Variants in SUPT3H observed in about 807,000 individuals in gnomAD.
SUPT3H encodes the protein SPT3 homolog, SAGA and STAGA complex component, also known as transcription initiation protein SPT3 homolog.
Under a neutral mutation model 44.3 loss-of-function variants are expected in SUPT3H, and 44 were observed. That is an observed-to-expected ratio of 0.99 (90% CI 0.78 to 1.28). SUPT3H has a LOEUF of 1.28. Among genes scored for constraint, SUPT3H ranks in the 50% most tolerant of loss-of-function variants. SUPT3H has a pLI of 0.00. For synonymous variants in SUPT3H, 124 were observed against 125.6 expected, an observed-to-expected ratio of 0.99 and a Z score of 0.09; for missense variants, 380 against 387.1, an observed-to-expected ratio of 0.98 and a Z score of 0.15.
At chr6:45,205,361 TC>T (rs1368159042) in intron 2 of SUPT3H, among the ~76,000 whole-genome samples, 1 of 152,212 alleles carries the variant, frequency 6.6e-6, no homozygotes, top group Non-Finnish European at 1.5e-5. Flanking sequence ...CTTTATTTAT[TC>T]CCACATTTTC....
chr6:44,999,081 C>T (rs750083007), intron 6 of SUPT3H, among the ~76,000 whole-genome samples: 1 of 151,626 alleles, frequency 6.6e-6, no homozygotes, highest in Non-Finnish European at 1.5e-5. Flanking sequence ...GTTTAACTTC[C>T]GTTATTACTT....
intron 2 of SUPT3H, among the ~76,000 whole-genome samples, chr6:45,157,900 A>G (rs1427639959): frequency 1.3e-5 from 2 of 151,492 alleles, no homozygotes; most frequent in Non-Finnish European, 2.9e-5. Flanking sequence ...GCCAAGGATG[A>G]GAATCGTTAT....
intron 10 of SUPT3H, among the ~76,000 whole-genome samples, chr6:44,879,410 A>T (rs1199224806): frequency 1.3e-5 from 2 of 152,200 alleles, no homozygotes; most frequent in East Asian, 1.9e-4. Context: ...CTCTGAAAGA[A>T]AGGCAGCAGC....
chr6:45,188,291 G>A (rs1248930668), intron 2 of SUPT3H, among the ~76,000 whole-genome samples: 1 of 152,236 alleles, frequency 6.6e-6, no homozygotes, highest in Admixed American at 6.5e-5. Context: ...GAAATCTTAT[G>A]CTGAGATTGC....
At chr6:45,143,424 T>C (rs1351520334) in intron 2 of SUPT3H, among the ~76,000 whole-genome samples, 2 of 152,046 alleles carry the variant, frequency 1.3e-5, no homozygotes, top group African/African-American at 4.8e-5. Flanking sequence ...TACAAATATA[T>C]AGAAATTAAA....
At chr6:44,916,083 C>T (rs781269547) in intron 10 of SUPT3H, among the ~76,000 whole-genome samples, 3 of 152,050 alleles carry the variant, frequency 2.0e-5, no homozygotes, top group African/African-American at 7.2e-5. Flanking sequence ...ATGTTTGAAA[C>T]GTTAAATTTT....
At chr6:44,877,664 A>T in intron 10 of SUPT3H, among the ~76,000 whole-genome samples, 1 of 152,272 alleles carries the variant, frequency 6.6e-6, no homozygotes, top group East Asian at 1.9e-4. Flanking sequence ...GTGTATCTAT[A>T]TATCTATACA....
chr6:45,170,178 A>G (rs557519537), intron 2 of SUPT3H, among the ~76,000 whole-genome samples: 4 of 152,232 alleles, frequency 2.6e-5, no homozygotes, highest in Non-Finnish European at 4.4e-5. Context: ...AACTATCAAT[A>G]TTTGTAATAG....
At chr6:45,109,981 A>G (rs959412362) in intron 2 of SUPT3H, among the ~76,000 whole-genome samples, 2 of 152,062 alleles carry the variant, frequency 1.3e-5, no homozygotes, top group Admixed American at 1.3e-4. Context: ...CTGCCTGACT[A>G]CCGTCCACTA....
intron 10 of SUPT3H, among the ~76,000 whole-genome samples, chr6:44,921,953 A>C (rs1768794411): frequency 6.6e-6 from 1 of 152,236 alleles, no homozygotes; most frequent in Non-Finnish European, 1.5e-5. Flanking sequence ...CTCTGTCCTC[A>C]TGACCTCTGC....
In SUPT3H at chr6:44,842,668, A is replaced by G. The variant is rs145310219; in HGVS notation, c.913-12811T>C. On this transcript the variant is annotated intron_variant, in intron 10 of 10. Transcript: ENST00000371459. ...ATAAAGATAAGAAAGATTATTTTTT[A>G]AAATACCAGTGATATAAGAGCAGTT... 2.6e-3 allele frequency among the ~76,000 whole-genome samples: 397 copies of G among 152,280 alleles called. 10 individuals carry two copies. In the East Asian group the frequency reaches 0.067, roughly 26 times the overall value.
chr6:45,185,944 G>C (rs12198376), intron 2 of SUPT3H, among the ~76,000 whole-genome samples: 34,815 of 152,124 alleles, frequency 0.23, 4,638 homozygotes, highest in Non-Finnish European at 0.31. Flanking sequence ...AAAAGGTGAA[G>C]GAATGCAGAG....
At chr6:45,188,888 T>TA (rs1374613326) in intron 2 of SUPT3H, among the ~76,000 whole-genome samples, 4 of 152,208 alleles carry the variant, frequency 2.6e-5, no homozygotes, top group Non-Finnish European at 4.4e-5. Context: ...TTAAAATAGG[T>TA]AAAAAAGTAT....
At chr6:44,842,258 A>G (rs988050632) in intron 10 of SUPT3H, among the ~76,000 whole-genome samples, 1 of 152,158 alleles carries the variant, frequency 6.6e-6, no homozygotes. Context: ...CTGAGGAATC[A>G]GTTAAACAGT....
At chr6:44,945,620 A>T (rs891190913) in intron 9 of SUPT3H, among the ~76,000 whole-genome samples, 2 of 152,242 alleles carry the variant, frequency 1.3e-5, no homozygotes, top group African/African-American at 4.8e-5. Context: ...TCAAAGCCTA[A>T]TCCAGAGCAA....
rs552591779 is a variant in SUPT3H at position 44,889,714 on chromosome 6, T to G, written c.912+42939A>C. On this transcript the variant is annotated intron_variant, in intron 10 of 10. Transcript: ENST00000371459. ...GACATAGGCATGGGCAAGGACTTCATGTCTAAAACACCAAAAGCAATGGCA... is the reference window on the plus strand; with the variant it reads ...GACATAGGCATGGGCAAGGACTTCAGGTCTAAAACACCAAAAGCAATGGCA... 6.3e-3 allele frequency among the ~76,000 whole-genome samples: 953 copies of G among 152,280 alleles called. 18 individuals are homozygous for G. Among genetic ancestry groups the G allele is most frequent in the African/African-American group, 0.022 (900 of 41,552 alleles).
At chr6:45,213,296 T>C (rs1454369231) in intron 2 of SUPT3H, among the ~76,000 whole-genome samples, 1 of 152,054 alleles carries the variant, frequency 6.6e-6, no homozygotes, top group South Asian at 2.1e-4. Flanking sequence ...ATAAAACATA[T>C]AACAAACATG....
intron 6 of SUPT3H, among the ~76,000 whole-genome samples, chr6:44,992,731 C>T (rs540157101): frequency 4.6e-4 from 70 of 152,004 alleles, no homozygotes; most frequent in Admixed American, 1.4e-3. Context: ...TAAATAGGTC[C>T]AAGGGTGGGG....
intron 10 of SUPT3H, among the ~76,000 whole-genome samples, chr6:44,928,887 A>T (rs635224): frequency 0.012 from 1,226 of 100,018 alleles, 23 homozygotes; most frequent in African/African-American, 0.04. Flanking sequence ...CGTCTCAAAA[A>T]AAAAAAAAAA....
Sources: gnomAD v4.1 joint callset for allele counts (sites outside exome capture counted in the v4.1 genomes callset) on GRCh38, gnomAD v4.1.1 for gene constraint, MANE v1.5 for transcripts, NCBI Gene and HGNC (gene_info 2026-07-23, HGNC 2026-07-21) for gene names.